The following CFAP206 variants were observed in gnomAD, a reference collection of about 807,000 sequenced individuals.
CFAP206 encodes the protein cilia- and flagella-associated protein 206.
CFAP206 carries 53 observed loss-of-function variants against 65.4 expected under a neutral mutation model. That is an observed-to-expected ratio of 0.81 (90% CI 0.65 to 1.02). The LOEUF (loss-of-function observed/expected upper bound fraction) is 1.02. CFAP206 is among the 50% of genes least tolerant of loss of function. The probability of loss-of-function intolerance (pLI) is 0.00; values close to 1 mark genes in which losing one functional copy is unlikely to be tolerated. For missense variants in CFAP206, 663 were observed against 753.2 expected, an observed-to-expected ratio of 0.88 and a Z score of 1.40; for synonymous variants, 250 against 254.4, an observed-to-expected ratio of 0.98 and a Z score of 0.17.
chr6:87,414,323 G>A (rs1050408434), intron 4 of CFAP206, among the ~76,000 whole-genome samples: 1 of 152,224 alleles, frequency 6.6e-6, no homozygotes, highest in East Asian at 1.9e-4. Flanking sequence ...TTGAGACAGA[G>A]TCTTGCTCTG....
chr6:87,429,924 C>T (rs1430871456), intron 9 of CFAP206, among the ~76,000 whole-genome samples: 1 of 152,114 alleles, frequency 6.6e-6, no homozygotes, highest in Non-Finnish European at 1.5e-5. Flanking sequence ...ATTAAAGCAG[C>T]ATATGTAAGC....
intron 3 of CFAP206, among the ~76,000 whole-genome samples, chr6:87,412,849 C>T (rs556006459): frequency 7.9e-5 from 12 of 151,956 alleles, no homozygotes; most frequent in East Asian, 3.9e-4. Context: ...TTAGTAGAGA[C>T]GGGTTTCACC....
Position 87,424,184 on chromosome 6 carries a change from CT to C in CFAP206, c.841-2340del, listed in dbSNP as rs112157773. ...GCATATACTTAGACAATTTACTTAC[CT>C]TACTATTCTTTGATTTTCTCATTTG... On this transcript the variant is annotated intron_variant, in intron 7 of 12. Coordinates refer to ENST00000369562, the MANE Select transcript of CFAP206 (RefSeq NM_001031743.3). Among the ~76,000 whole-genome samples the C allele has an allele frequency of 1.0e-3, 152 of 152,298 alleles. 2 individuals are homozygous for C. The highest frequency in any genetic ancestry group is 3.4e-3 in the African/African-American group (142 of 41,572).
intron 11 of CFAP206, among the ~76,000 whole-genome samples, chr6:87,449,631 A>T (rs1248553604): frequency 1.3e-5 from 2 of 152,034 alleles, no homozygotes; most frequent in Non-Finnish European, 2.9e-5. Flanking sequence ...ATTCTAAGAA[A>T]TGTCTCTTCA....
intron 4 of CFAP206, among the ~76,000 whole-genome samples, chr6:87,415,228 T>C (rs565221065): frequency 6.6e-6 from 1 of 151,992 alleles, no homozygotes; most frequent in East Asian, 1.9e-4. Context: ...AAGGAACATA[T>C]ATACTACATA....
Position 87,431,136 on chromosome 6 carries a change from T to C in CFAP206, c.1263T>C (p.Ala421=). 2 of 1,614,052 alleles carry C rather than the reference T, an allele frequency of 1.2e-6. No homozygotes were observed. Among genetic ancestry groups the C allele is most frequent in the Non-Finnish European group, 1.7e-6 (2 of 1,179,940 alleles). The change falls in exon 10 of 13, where the codon GCT becomes GCC. Residue 421 remains alanine (A), a synonymous_variant. Transcript: ENST00000369562. ...TAATTCAATATCGGGGATTTTGTGC[T>C]TACACGTTTGCTGCAACAGATGGTC... ...KLLIQYRGFC[A]YTFAATDGLL...
chr6:87,459,482 G>T (rs1371391658), intron 11 of CFAP206, among the ~76,000 whole-genome samples: 1 of 152,132 alleles, frequency 6.6e-6, no homozygotes, highest in Non-Finnish European at 1.5e-5. Context: ...CAGATAAGCA[G>T]ATATAAAAGT....
chr6:87,447,742 C>A (rs934891249), intron 11 of CFAP206, among the ~76,000 whole-genome samples: 5 of 151,890 alleles, frequency 3.3e-5, no homozygotes, highest in African/African-American at 1.2e-4. Context: ...GGAAGAATAT[C>A]AGAAGAAATG....
At chr6:87,458,500 C>G (rs1455252814) in intron 11 of CFAP206, among the ~76,000 whole-genome samples, 2 of 141,316 alleles carry the variant, frequency 1.4e-5, no homozygotes, top group Non-Finnish European at 3.1e-5. Context: ...AAAAGGAGAT[C>G]CTGTCATTTG....
chr6:87,410,571 C>G lies in CFAP206; in HGVS notation c.109-14C>G, dbSNP rs1388453861. On this transcript the variant is annotated splice_polypyrimidine_tract_variant and intron_variant, in intron 2 of 12. Coordinates refer to ENST00000369562, the MANE Select transcript of CFAP206 (RefSeq NM_001031743.3). ...TCTTTCCTAGTTAATGGACTCGTTC[C>G]TACTTTTTTCTAGGTGAAAGCTGTT... is the stretch of plus-strand genomic sequence containing the variant. 6.3e-7 allele frequency: 1 copy of G among 1,599,976 alleles called. No individual in the cohort carries two copies.
intron 11 of CFAP206, among the ~76,000 whole-genome samples, chr6:87,454,782 C>CTGTA (rs1297087101): frequency 7.1e-6 from 1 of 140,184 alleles, no homozygotes; most frequent in South Asian, 2.5e-4. Context: ...GAGGCAGAGG[C>CTGTA]TACAGTGAGC....
chr6:87,423,313 A>T (rs1157266919), intron 7 of CFAP206, among the ~76,000 whole-genome samples: 1 of 146,624 alleles, frequency 6.8e-6, no homozygotes, highest in African/African-American at 2.5e-5. Context: ...CAGTGGCGTG[A>T]TCTCCGCTCA....
Position 87,408,148 on chromosome 6 carries a change from G to A in CFAP206, c.-6+59G>A, listed in dbSNP as rs1475157896. On this transcript the variant is annotated intron_variant, in intron 1 of 12. Transcript: ENST00000369562. ...GGAGGCGTACCCCGCCAGGCGGCGA[G>A]CTTGGGGCGGCTGGCGGAGCTCGGG... 5 of 893,592 alleles carry A rather than the reference G, an allele frequency of 5.6e-6. No homozygotes were observed. The African/African-American group carries it at 7.2e-5, about 13-fold the overall frequency. The allele number at this position is 893,592 out of a possible 1,614,324, so 55.4% of individuals were successfully genotyped here. A position where few individuals can be genotyped will look rare whatever the true frequency, so the allele number is the denominator to read the frequency against.
intron 7 of CFAP206, among the ~76,000 whole-genome samples, chr6:87,425,008 C>T (rs959026640): frequency 2.0e-4 from 30 of 152,322 alleles, no homozygotes; most frequent in African/African-American, 7.2e-4. Flanking sequence ...AGAATACTAT[C>T]CCAAATGCTT....
rs1767806325 is a variant in CFAP206 at position 87,415,304 on chromosome 6, TATA to T, written c.284-378_284-376del. Reference sequence around the variant, plus strand: ...CATGTGCTTACATATAGCATAAATATATAATATGTATATATTTATTTTTTCATA... The same window carrying T: ...CATGTGCTTACATATAGCATAAATATATATGTATATATTTATTTTTTCATA... On this transcript the variant is annotated intron_variant, in intron 4 of 12. Coordinates refer to ENST00000369562, the MANE Select transcript of CFAP206 (RefSeq NM_001031743.3). Among the ~76,000 whole-genome samples the T allele has an allele frequency of 4.7e-5, 7 of 150,374 alleles. No individual in the cohort carries two copies. The Admixed American group carries it at 4.7e-4, about 10-fold the overall frequency.
chr6:87,452,310 A>G (rs1253987645), intron 11 of CFAP206, among the ~76,000 whole-genome samples: 3 of 152,238 alleles, frequency 2.0e-5, no homozygotes, highest in Non-Finnish European at 4.4e-5. Flanking sequence ...AAAGTCATAG[A>G]TCACAACACT....
At chr6:87,433,961 G>A (rs536474468) in intron 10 of CFAP206, among the ~76,000 whole-genome samples, 3 of 152,160 alleles carry the variant, frequency 2.0e-5, no homozygotes, top group East Asian at 1.9e-4. Context: ...TTAGCTGGGT[G>A]TGGTGGTGCA....
chr6:87,456,903 A>G (rs1375429152), intron 11 of CFAP206, among the ~76,000 whole-genome samples: 6 of 152,186 alleles, frequency 3.9e-5, no homozygotes, highest in African/African-American at 1.4e-4. Flanking sequence ...TAATCCCAGC[A>G]CTTTGGGAGG....
At chr6:87,448,617 CTG>C (rs914066320) in intron 11 of CFAP206, among the ~76,000 whole-genome samples, 22 of 152,070 alleles carry the variant, frequency 1.4e-4, no homozygotes, top group African/African-American at 5.3e-4. Flanking sequence ...TCCTATCTAA[CTG>C]TAATTTTGTC....
Sources: gnomAD v4.1 joint callset for allele counts (sites outside exome capture counted in the v4.1 genomes callset) on GRCh38, gnomAD v4.1.1 for gene constraint, MANE v1.5 for transcripts, NCBI Gene and HGNC (gene_info 2026-07-23, HGNC 2026-07-21) for gene names.